The following CCDC97 variants were observed in gnomAD, a reference collection of about 807,000 sequenced individuals.
CCDC97 encodes the protein coiled-coil domain containing 97, also known as coiled-coil domain-containing protein 97.
CCDC97 carries 27 observed loss-of-function variants against 33.9 expected under a neutral mutation model. The ratio of observed to expected loss-of-function variants is 0.80; its 90% CI spans 0.59 to 1.10. CCDC97 has a LOEUF of 1.10. CCDC97 is among the 50% of genes least tolerant of loss of function. The probability of loss-of-function intolerance (pLI) is 0.00; values close to 1 mark genes in which losing one functional copy is unlikely to be tolerated. For synonymous variants in CCDC97, 217 were observed against 194.0 expected (o/e 1.12, Z -0.99); for missense variants, 422 against 476.6 (o/e 0.89, Z 1.07).
At chr19:41,320,033 C>T (rs2037803177) in intron 3 of CCDC97, among the ~76,000 whole-genome samples, 181 bp downstream of exon 3, 1 of 152,220 alleles carries the variant, frequency 6.6e-6, no homozygotes, top group Admixed American at 6.5e-5. Flanking sequence ...CCATCCCCCA[C>T]TCTGAGGCAC....
At position 41,316,452 on chromosome 19, in the gene CCDC97, G is replaced by C; in HGVS notation, c.115G>C (p.Asp39His). ...SRTPVPSKPQDKVEAAEATPV... is the reference protein window; with the variant it reads ...SRTPVPSKPQHKVEAAEATPV... ...GACACCAGTCCCATCTAAACCCCAGGACAAAGTGGAAGCAGCTGAGGCAAC... is the reference window on the plus strand; with the variant it reads ...GACACCAGTCCCATCTAAACCCCAGCACAAAGTGGAAGCAGCTGAGGCAAC... The change falls in exon 2 of 5, where the codon GAC (aspartate) becomes CAC (histidine). Residue 39 changes from aspartate (D) to histidine (H), a missense_variant. Transcript: ENST00000269967. 6.2e-7 allele frequency: 1 copy of C among 1,614,204 alleles called. No individual in the cohort carries two copies. Among genetic ancestry groups the C allele is most frequent in the Non-Finnish European group, 8.5e-7 (1 of 1,180,046 alleles).
chr19:41,317,792 G>A (rs945122506), intron 2 of CCDC97, among the ~76,000 whole-genome samples: 2 of 151,942 alleles, frequency 1.3e-5, no homozygotes, highest in East Asian at 1.9e-4. Context: ...ACTCAAGCCG[G>A]TGATCCCAGC....
chr19:41,313,582 G>T (rs1041564893), intron 1 of CCDC97, among the ~76,000 whole-genome samples: 1 of 152,102 alleles, frequency 6.6e-6, no homozygotes, highest in African/African-American at 2.4e-5. Flanking sequence ...ACCCAGCCAC[G>T]CTGCTTAAAG....
Position 41,310,643 on chromosome 19 carries a change from A to T in CCDC97, c.46+287A>T, listed in dbSNP as rs2037672438. The T allele has an allele frequency of 5.1e-6, 5 of 985,194 alleles. No homozygotes were observed. In the South Asian group the frequency reaches 1.9e-4, roughly 37 times the overall value. 61.0% of individuals were successfully genotyped at this position (985,194 alleles called of 1,614,324 possible). On this transcript the variant is annotated intron_variant, in intron 1 of 4. Coordinates refer to ENST00000269967, the MANE Select transcript of CCDC97 (RefSeq NM_052848.3). ...CCAGGCTAACTCTCAAATTAACAGA[A>T]ACCTCTCTACCCCGGCCTAATTCCT... is the stretch of plus-strand genomic sequence containing the variant.
chr19:41,310,189 G>A lies in CCDC97; in HGVS notation c.-122G>A, dbSNP rs183882962. Reference sequence around the variant, plus strand: ...TCTGCCTTAGGCCCGGAACTTCGGTGCCTGGGCGCAGCGGTGCACCCGGAC... The same window carrying A: ...TCTGCCTTAGGCCCGGAACTTCGGTACCTGGGCGCAGCGGTGCACCCGGAC... On this transcript the variant is annotated 5_prime_UTR_variant, in exon 1 of 5. Transcript: ENST00000269967. 83 of 1,392,676 alleles carry A rather than the reference G, an allele frequency of 6.0e-5. No individual in the cohort carries two copies. In the East Asian group the frequency reaches 1.3e-3, roughly 22 times the overall value. 86.3% of individuals were successfully genotyped at this position (1,392,676 alleles called of 1,614,324 possible).
rs1169436884 is a variant in CCDC97 at position 41,310,253 on chromosome 19, G to T, written c.-58G>T. On this transcript the variant is annotated 5_prime_UTR_variant, in exon 1 of 5. Transcript: ENST00000269967. ...AGGCGAAAGTGTCTCTTGCGTGCGTGGGCCGGAGGTTAGTGTGCGGGGCCC... is the reference window on the plus strand; with the variant it reads ...AGGCGAAAGTGTCTCTTGCGTGCGTTGGCCGGAGGTTAGTGTGCGGGGCCC... 29 of 1,558,534 alleles carry T rather than the reference G, an allele frequency of 1.9e-5. No individual in the cohort carries two copies. The highest frequency in any genetic ancestry group is 3.9e-5 in the Admixed American group (2 of 51,908).
chr19:41,316,718 T>C lies in CCDC97; in HGVS notation c.381T>C (p.Arg127=). The change falls in exon 2 of 5, where the codon CGT becomes CGC. Residue 127 remains arginine (R), a synonymous_variant. Transcript: ENST00000269967. Reference sequence around the variant, plus strand: ...ATCTGGCCTGCTTTGGCCACGTGCGTGGCGACCACCGTGCAGACTTCTACT... The same window carrying C: ...ATCTGGCCTGCTTTGGCCACGTGCGCGGCGACCACCGTGCAGACTTCTACT... ...EEHLACFGHV[R]GDHRADFYCA... 1.9e-6 allele frequency: 3 copies of C among 1,613,788 alleles called. No individual in the cohort carries two copies. Among genetic ancestry groups the C allele is most frequent in the Non-Finnish European group, 2.5e-6 (3 of 1,179,922 alleles).
chr19:41,322,260 A>C (rs1395537563), intron 4 of CCDC97, among the ~76,000 whole-genome samples: 3 of 152,056 alleles, frequency 2.0e-5, no homozygotes, highest in Non-Finnish European at 4.4e-5. Flanking sequence ...ACGCCTGGCT[A>C]CTTTTTCAAT....
rs747132606 is a variant in CCDC97 at position 41,320,497 on chromosome 19, C to A, written c.911+27C>A. Reference sequence around the variant, plus strand: ...TGCTCCTGTGCCTCCACCTCCCCATCCCCCAGCCCAGCATCCCACGGCCTT... The same window carrying A: ...TGCTCCTGTGCCTCCACCTCCCCATACCCCAGCCCAGCATCCCACGGCCTT... On this transcript the variant is annotated intron_variant, in intron 4 of 4. Transcript: ENST00000269967. 19 of 1,613,166 alleles carry A rather than the reference C, an allele frequency of 1.2e-5. No homozygotes were observed. In the East Asian group the frequency reaches 4.2e-4, roughly 36 times the overall value.
At chr19:41,320,890 G>A in intron 4 of CCDC97, 1 of 176,900 alleles carries the variant, frequency 5.7e-6, no homozygotes, top group Non-Finnish European at 1.2e-5. Context: ...GCCTGCACTG[G>A]CTGCCCCCAC....
chr19:41,310,292 A>G lies in CCDC97; in HGVS notation c.-19A>G, dbSNP rs1352116557. 2 of 1,595,974 alleles carry G rather than the reference A, an allele frequency of 1.3e-6. No homozygotes were observed. Among genetic ancestry groups the G allele is most frequent in the African/African-American group, 2.7e-5 (2 of 74,628 alleles). On this transcript the variant is annotated 5_prime_UTR_variant, in exon 1 of 5. Transcript: ENST00000269967. ...TGTGCGGGGCCCGCCGGGCGGTTGA[A>G]AAGTCCGAGAGAATCAGGATGGAGG...
At chr19:41,312,860 A>G (rs2037702939) in intron 1 of CCDC97, among the ~76,000 whole-genome samples, 2 of 151,742 alleles carry the variant, frequency 1.3e-5, no homozygotes, top group Admixed American at 6.6e-5. Flanking sequence ...GTTCACTGCA[A>G]CCTCTGCCTC....
At position 41,324,807 on chromosome 19, in the gene CCDC97, C is replaced by G. The variant is rs968368891; in HGVS notation, c.*2092C>G. The G allele has an allele frequency of 6.6e-6, 1 of 152,254 alleles. No individual in the cohort carries two copies. 9.4% of individuals were successfully genotyped at this position (152,254 alleles called of 1,614,324 possible). On this transcript the variant is annotated 3_prime_UTR_variant, in exon 5 of 5. Coordinates refer to ENST00000269967, the MANE Select transcript of CCDC97 (RefSeq NM_052848.3). ...AGGGCCTGGGCCACAGGAAAGGTATCAGCCCTTGGTGATAGGCACATTTTT... is the reference window on the plus strand; with the variant it reads ...AGGGCCTGGGCCACAGGAAAGGTATGAGCCCTTGGTGATAGGCACATTTTT...
chr19:41,313,524 C>G (rs924088858), intron 1 of CCDC97, among the ~76,000 whole-genome samples: 1 of 152,184 alleles, frequency 6.6e-6, no homozygotes, highest in East Asian at 1.9e-4. Flanking sequence ...TAAATCCTCC[C>G]TGATACACAC....
chr19:41,312,345 A>G (rs2037695512), intron 1 of CCDC97, among the ~76,000 whole-genome samples: 1 of 152,122 alleles, frequency 6.6e-6, no homozygotes, highest in Admixed American at 6.5e-5. Context: ...TCAGCCTCCC[A>G]TAGTGCTGGG....
At chr19:41,310,671 A>G (rs1432988835) in intron 1 of CCDC97, 2 of 1,295,208 alleles carry the variant, frequency 1.5e-6, no homozygotes, top group Non-Finnish European at 2.0e-6. Flanking sequence ...TAATTCCTGC[A>G]TTGCCTCAGA....
At chr19:41,316,312 G>A in intron 1 of CCDC97, 72 bp from the exon 2 acceptor site, 2 of 1,206,632 alleles carry the variant, frequency 1.7e-6, no homozygotes, top group Non-Finnish European at 2.4e-6. Flanking sequence ...AATGTGAGCT[G>A]AGTGAGTGAC....
intron 1 of CCDC97, among the ~76,000 whole-genome samples, chr19:41,311,438 A>G (rs759984006): frequency 6.6e-6 from 1 of 151,802 alleles, no homozygotes; most frequent in Non-Finnish European, 1.5e-5. Flanking sequence ...TCTACAAAAA[A>G]TTTAAAAATT....
At chr19:41,321,692 G>A (rs988930012) in intron 4 of CCDC97, among the ~76,000 whole-genome samples, 1 of 152,228 alleles carries the variant, frequency 6.6e-6, no homozygotes, top group East Asian at 1.9e-4. Context: ...GACAGCAAAG[G>A]CCTGCAGGAA....
Sources: gnomAD v4.1 joint callset for allele counts (sites outside exome capture counted in the v4.1 genomes callset) on GRCh38, gnomAD v4.1.1 for gene constraint, MANE v1.5 for transcripts, NCBI Gene and HGNC (gene_info 2026-07-23, HGNC 2026-07-21) for gene names.